Variants in ABHD12 observed in about 807,000 individuals in gnomAD.
The protein encoded by ABHD12 is lysophosphatidylserine lipase ABHD12.
ABHD12 carries 43 observed loss-of-function variants against 58.3 expected under a neutral mutation model. That is an observed-to-expected ratio of 0.74 (90% confidence interval 0.58 to 0.95). ABHD12 has a LOEUF of 0.95. Among genes scored for constraint, ABHD12 ranks in the 40% least tolerant of loss-of-function variants. The pLI is 0.00. For missense variants in ABHD12, 539 were observed against 537.2 expected, an observed-to-expected ratio of 1.00 and a Z score of -0.03; for synonymous variants, 219 against 211.2, an observed-to-expected ratio of 1.04 and a Z score of -0.32.
chr20:25,359,378 T>C (rs1198675578), intron 1 of ABHD12, among the ~76,000 whole-genome samples: 2 of 136,008 alleles, frequency 1.5e-5, no homozygotes, highest in Non-Finnish European at 3.1e-5. Context: ...GAGCCGAGAT[T>C]GCGCCACTGC....
downstream of ABHD12, among the ~76,000 whole-genome samples, chr20:25,298,269 GTTTT>G (rs971328985): frequency 7.7e-5 from 4 of 52,080 alleles, no homozygotes; most frequent in African/African-American, 1.8e-4. Flanking sequence ...GGCTAGTTTT[GTTTT>G]TTTGTTTTTG....
Position 25,361,924 on chromosome 20 carries a change from C to A in ABHD12, c.192-22573G>T, listed in dbSNP as rs188940067. Among the ~76,000 whole-genome samples, 1,049 of 152,062 alleles carry A rather than the reference C, an allele frequency of 6.9e-3. 5 individuals are homozygous for A. The highest frequency in any genetic ancestry group is 0.02 in the Middle Eastern group (6 of 294). ...GAGCCAAGATCCCGCCACTGCACTC[C>A]AGCCTGGGGGACAGAGCGACACTCC... is the stretch of plus-strand genomic sequence containing the variant. On this transcript the variant is annotated intron_variant, in intron 1 of 12. Transcript: ENST00000339157.
At chr20:25,343,818 TAAAG>T (rs1194383803) in intron 1 of ABHD12, among the ~76,000 whole-genome samples, 1 of 151,920 alleles carries the variant, frequency 6.6e-6, no homozygotes, top group African/African-American at 2.4e-5. Context: ...AATTAAAAAA[TAAAG>T]AAAACTAAAG....
At chr20:25,302,567 C>G (rs2088657681) in intron 11 of ABHD12, among the ~76,000 whole-genome samples, 1 of 152,212 alleles carries the variant, frequency 6.6e-6, no homozygotes, top group Admixed American at 6.5e-5. Context: ...AGATACTGTC[C>G]TCACACCTTA....
At chr20:25,319,731 AG>A (rs1279357339) in intron 4 of ABHD12, among the ~76,000 whole-genome samples, 12 of 152,136 alleles carry the variant, frequency 7.9e-5, no homozygotes, top group South Asian at 4.1e-4. Flanking sequence ...GGGACCCCAA[AG>A]CCCTCACTCT....
chr20:25,373,313 G>A (rs7272899), intron 1 of ABHD12, among the ~76,000 whole-genome samples: 3,432 of 152,246 alleles, frequency 0.023, 113 homozygotes, highest in African/African-American at 0.075. Context: ...TTGGGAAGCC[G>A]GGGCGGGTGG....
chr20:25,342,191 T>C (rs758534977), intron 1 of ABHD12, among the ~76,000 whole-genome samples: 8 of 148,136 alleles, frequency 5.4e-5, no homozygotes, highest in Admixed American at 6.7e-5. Context: ...AATGAGTGAA[T>C]GGATAAACAA....
At chr20:25,362,553 G>A (rs1167804818) in intron 1 of ABHD12, among the ~76,000 whole-genome samples, 10 of 130,468 alleles carry the variant, frequency 7.7e-5, no homozygotes, top group Non-Finnish European at 6.4e-5. Flanking sequence ...GTCACAGAGC[G>A]AGACTCTGTC....
chr20:25,298,785 C>T (rs2088590428), downstream of ABHD12, among the ~76,000 whole-genome samples: 1 of 152,136 alleles, frequency 6.6e-6, no homozygotes, highest in South Asian at 2.1e-4. Context: ...CTGTGCTACC[C>T]TGAAGACCCA....
At chr20:25,315,248 C>A (rs908662712) in intron 5 of ABHD12, among the ~76,000 whole-genome samples, 1 of 151,996 alleles carries the variant, frequency 6.6e-6, no homozygotes, top group South Asian at 2.1e-4. Flanking sequence ...AGTGTCCGGC[C>A]GCAGCTCCAC....
downstream of ABHD12, chr20:25,297,831 G>A (rs2088573378): frequency 6.6e-6 from 1 of 151,984 alleles, no homozygotes; most frequent in African/African-American, 2.4e-5. Context: ...TTTATTGAGT[G>A]GGGCAAGTGC....
intron 2 of ABHD12, among the ~76,000 whole-genome samples, chr20:25,338,576 C>T (rs6076336): frequency 0.55 from 83,545 of 151,882 alleles, 23,595 homozygotes; most frequent in Admixed American, 0.62. Context: ...CCTCCCACAT[C>T]TCCAAAAGTA....
intron 3 of ABHD12, among the ~76,000 whole-genome samples, chr20:25,321,823 T>C (rs1183845514): frequency 2.6e-5 from 4 of 152,206 alleles, no homozygotes; most frequent in Non-Finnish European, 5.9e-5. Flanking sequence ...GGTCAGTAAA[T>C]GCTAGATTAA....
chr20:25,325,766 G>A (rs370556016), intron 2 of ABHD12, among the ~76,000 whole-genome samples: 5 of 152,026 alleles, frequency 3.3e-5, no homozygotes, highest in South Asian at 4.1e-4. Context: ...TTGTTTGAGC[G>A]GCCCTAAGAA....
At chr20:25,295,067 T>C in intron 12 of ABHD12, 1 of 1,600,634 alleles carries the variant, frequency 6.2e-7, no homozygotes, top group Non-Finnish European at 8.6e-7. Context: ...TTGTGAACTC[T>C]GCATTTCGTG....
intron 1 of ABHD12, chr20:25,390,225 A>C: frequency 3.4e-6 from 1 of 296,334 alleles, no homozygotes; most frequent in Non-Finnish European, 6.2e-6. Context: ...TCCCCGGGAA[A>C]GGGTCGGGGT....
intron 2 of ABHD12, among the ~76,000 whole-genome samples, chr20:25,331,782 C>T (rs548298497): frequency 1.3e-3 from 198 of 152,048 alleles, no homozygotes; most frequent in African/African-American, 4.7e-3. Flanking sequence ...ACCAGGCCTG[C>T]CCTAAAAGAC....
At chr20:25,373,069 G>A (rs997241833) in intron 1 of ABHD12, among the ~76,000 whole-genome samples, 25 of 152,202 alleles carry the variant, frequency 1.6e-4, no homozygotes, top group African/African-American at 5.3e-4. Flanking sequence ...CAGCCTAGGA[G>A]CAATAGGCCT....
intron 1 of ABHD12, among the ~76,000 whole-genome samples, chr20:25,382,610 G>A (rs1354695375): frequency 6.6e-6 from 1 of 152,196 alleles, no homozygotes; most frequent in African/African-American, 2.4e-5. Flanking sequence ...CTCCATCGCT[G>A]TTAGCACAAA....
Sources: gnomAD v4.1 joint callset for allele counts (sites outside exome capture counted in the v4.1 genomes callset) on GRCh38, gnomAD v4.1.1 for gene constraint, MANE v1.5 for transcripts, NCBI Gene and HGNC (gene_info 2026-07-23, HGNC 2026-07-21) for gene names.